The following CATSPERG variants were observed in gnomAD, a reference collection of about 807,000 sequenced individuals.
CATSPERG encodes catsper channel auxiliary subunit gamma.
CATSPERG carries 115 observed loss-of-function variants against 145.0 expected under a neutral mutation model. The ratio of observed to expected loss-of-function variants is 0.79; its 90% CI spans 0.68 to 0.93. The LOEUF (loss-of-function observed/expected upper bound fraction) is 0.93, where lower values mean the gene tolerates loss of function less well. CATSPERG is among the 40% of genes least tolerant of loss of function. The pLI is 0.00. For missense variants in CATSPERG, 1,296 were observed against 1,490.1 expected (o/e 0.87, Z 2.14); for synonymous variants, 588 against 589.0 (o/e 1.00, Z 0.02).
chr19:38,361,562 G>T, intron 16 of CATSPERG, 86 bp from the exon 17 acceptor site: 1 of 1,068,786 alleles, frequency 9.4e-7, no homozygotes, highest in Non-Finnish European at 1.4e-6. Context: ...TACGGGAAGT[G>T]GGTGGGGTGG....
Position 38,361,992 on chromosome 19 carries a change from G to GGGC in CATSPERG, c.2094+131_2094+132insGGC, listed in dbSNP as rs1970355626. 9 of 347,300 alleles carry GGGC rather than the reference G, an allele frequency of 2.6e-5. No individual in the cohort carries two copies. In the Middle Eastern group the frequency reaches 2.8e-3, roughly 108 times the overall value. 21.5% of individuals were successfully genotyped at this position (347,300 alleles called of 1,614,324 possible). On this transcript the variant is annotated intron_variant, in intron 17 of 28. Transcript: ENST00000409235. ...CAGGACTGGTGGTGGGTGGGCGGGGGACCTGGGGGCGGGGCCTGGCTTGAG... is the reference window on the plus strand; with the variant it reads ...CAGGACTGGTGGTGGGTGGGCGGGGGGGCACCTGGGGGCGGGGCCTGGCTTGAG...
intron 28 of CATSPERG, 40 bp from the exon 29 acceptor site, chr19:38,370,486 A>G (rs748325600): frequency 6.8e-6 from 11 of 1,612,924 alleles, no homozygotes; most frequent in Non-Finnish European, 9.3e-6. Context: ...TGTGTACCTT[A>G]TCATGTGCCA....
Position 38,362,540 on chromosome 19 carries a change from G to C in CATSPERG, c.2322G>C (p.Ala774=). ...TEYSFAIFLS[A]QGHSFRTQSE... ...ACAGCTTCGCCATCTTCCTGTCGGC[G>C]CAGGGCCACTCGTTCCGGACGCAGT... is the stretch of plus-strand genomic sequence containing the variant. The change falls in exon 19 of 29, where the codon GCG becomes GCC. Residue 774 remains alanine (A), a synonymous_variant. Transcript: ENST00000409235. 1.9e-6 allele frequency: 3 copies of C among 1,613,888 alleles called. No homozygotes were observed. Among genetic ancestry groups the C allele is most frequent in the Non-Finnish European group, 2.5e-6 (3 of 1,180,038 alleles).
chr19:38,337,255 C>T lies in CATSPERG; in HGVS notation c.21C>T (p.Phe7=), dbSNP rs538897594. 907 of 1,551,406 alleles carry T rather than the reference C, an allele frequency of 5.8e-4. 14 individuals carry two copies. The Admixed American group carries it at 0.016, about 28-fold the overall frequency. Residue 7 remains phenylalanine, a synonymous_variant, in exon 2 of 29, where the codon TTC becomes TTT. Coordinates refer to ENST00000409235, the MANE Select transcript of CATSPERG (RefSeq NM_021185.5). ...ACGTTATGTGCGGCCCAGCCATGTT[C>T]CCTGCCGGTCCTCCGTGGCCCAGAG... MCGPAM[F]PAGPPWPRVR...
intron 7 of CATSPERG, chr19:38,349,653 T>TTTGTTTGC (rs1970102578): frequency 6.9e-6 from 1 of 145,220 alleles, no homozygotes; most frequent in South Asian, 2.0e-4. Context: ...TTTTTTTTTG[T>TTTGTTTGC]TTGTTTGTTT....
chr19:38,354,978 G>A, intron 9 of CATSPERG, 131 bp downstream of exon 9: 1 of 1,033,868 alleles, frequency 9.7e-7, no homozygotes, highest in South Asian at 1.6e-5. Context: ...GGTGATGGTG[G>A]TGGTGGAGGG....
chr19:38,348,738 GC>G (rs1186622605), intron 7 of CATSPERG, among the ~76,000 whole-genome samples: 1 of 152,064 alleles, frequency 6.6e-6, no homozygotes, highest in African/African-American at 2.4e-5. Context: ...CTCCCAAAGT[GC>G]TGGTATTACA....
intron 11 of CATSPERG, 72 bp from the exon 12 acceptor site, chr19:38,358,206 C>A: frequency 6.6e-7 from 1 of 1,506,048 alleles, no homozygotes. Flanking sequence ...GAGAAGCAAA[C>A]AACTTGCTCC....
chr19:38,368,235 T>A, intron 26 of CATSPERG, 98 bp downstream of exon 26: 1 of 965,302 alleles, frequency 1.0e-6, no homozygotes, highest in Non-Finnish European at 1.6e-6. Flanking sequence ...GATCCCCAAG[T>A]CACACTGACT....
In CATSPERG at chr19:38,370,033, G is replaced by A. The variant is rs1341112144; in HGVS notation, c.3082G>A (p.Glu1028Lys). ...DNVPQGIFAPEFFFKVLVSNR... is the reference protein window; with the variant it reads ...DNVPQGIFAPKFFFKVLVSNR... Reference sequence around the variant, plus strand: ...TGTTCCCCAAGGCATCTTTGCCCCTGAATTCTTCTTCAAGGTGTTGGTGAG... The same window carrying A: ...TGTTCCCCAAGGCATCTTTGCCCCTAAATTCTTCTTCAAGGTGTTGGTGAG... The change falls in exon 27 of 29, where the codon GAA becomes AAA. Residue 1028 changes from glutamate to lysine, a missense_variant. Physicochemically the swap from Glu to Lys is moderately conservative, Grantham distance 56 (BLOSUM62 1). Transcript: ENST00000409235. 6.2e-7 allele frequency: 1 copy of A among 1,614,096 alleles called. No homozygotes were observed. Among genetic ancestry groups the A allele is most frequent in the Non-Finnish European group, 8.5e-7 (1 of 1,180,048 alleles).
Position 38,367,710 on chromosome 19 carries a change from C to T in CATSPERG, c.2864C>T (p.Pro955Leu), listed in dbSNP as rs142610781. 10 of 1,614,006 alleles carry T rather than the reference C, an allele frequency of 6.2e-6. No individual in the cohort carries two copies. In the Admixed American group the frequency reaches 1.0e-4, roughly 16 times the overall value. Residue 955 changes from proline to leucine, a missense_variant, in exon 25 of 29, where the codon CCC becomes CTC. By Grantham distance (98) the Pro-to-Leu change is moderately conservative (BLOSUM62 -3). Coordinates refer to ENST00000409235, the MANE Select transcript of CATSPERG (RefSeq NM_021185.5). Reference protein sequence around the residue: ...SYVLLVVGGGPTLDSLKDYSE... With the variant: ...SYVLLVVGGGLTLDSLKDYSE... ...GTTCTGCTGGTGGTGGGTGGCGGGC[C>T]CACACTGGACAGCCTCAAGGACTAC...
rs118138966 is a variant in CATSPERG, at chr19:38,359,598, C to T, written c.1608+17C>T. ...ACGGAGGAGGTGGGCTGCCCCGCCC[C>T]TCTCCCCGTTCCCTCTCTGCCCACC... On this transcript the variant is annotated intron_variant, in intron 14 of 28. Coordinates refer to ENST00000409235, the MANE Select transcript of CATSPERG (RefSeq NM_021185.5). The T allele has an allele frequency of 2.3e-3, 3,633 of 1,605,308 alleles. 85 individuals carry two copies. The East Asian group carries it at 0.057, about 25-fold the overall frequency.
intron 3 of CATSPERG, among the ~76,000 whole-genome samples, chr19:38,339,727 T>A (rs1356113374): frequency 6.6e-6 from 1 of 152,200 alleles, no homozygotes; most frequent in African/African-American, 2.4e-5. Context: ...CATATTTTCT[T>A]CAAGAGATTT....
At chr19:38,337,946 ACCTCATGTGATCCACCTGC>A in intron 3 of CATSPERG, 1 of 271,644 alleles carries the variant, frequency 3.7e-6, no homozygotes, top group Non-Finnish European at 7.1e-6. Context: ...CAAACTCCTG[ACCTCATGTGATCCACCTGC>A]CTCAGACTCC....
At chr19:38,336,536 C>T in intron 1 of CATSPERG, 1 of 291,948 alleles carries the variant, frequency 3.4e-6, no homozygotes, top group South Asian at 2.9e-5. Flanking sequence ...GGGCCGGGAG[C>T]AAGAGCAGGG....
chr19:38,346,304 GA>G, intron 6 of CATSPERG, 145 bp from the exon 7 acceptor site: 1 of 663,376 alleles, frequency 1.5e-6, no homozygotes, highest in East Asian at 3.2e-5. Flanking sequence ...GACCGAGGGG[GA>G]GAATGGTAAG....
At chr19:38,359,327 G>T (rs150469402) in intron 13 of CATSPERG, 143 bp from the exon 14 acceptor site, 5,676 of 530,030 alleles carry the variant, frequency 0.011, 77 homozygotes, top group Non-Finnish European at 0.016. Context: ...GGTTTGGGGT[G>T]GGGGGCGGGA....
chr19:38,352,796 A>G (rs1970168048), intron 8 of CATSPERG, among the ~76,000 whole-genome samples: 1 of 151,528 alleles, frequency 6.6e-6, no homozygotes, highest in East Asian at 1.9e-4. Context: ...GGAGAGGGGC[A>G]TGGCAAATCA....
intron 8 of CATSPERG, 106 bp from the exon 9 acceptor site, chr19:38,354,604 A>G (rs1449919007): frequency 3.0e-6 from 4 of 1,349,864 alleles, no homozygotes; most frequent in Admixed American, 4.4e-5. Context: ...GTGCTTCAGC[A>G]TGAGAGGACA....
Sources: gnomAD v4.1 joint callset for allele counts (sites outside exome capture counted in the v4.1 genomes callset) on GRCh38, gnomAD v4.1.1 for gene constraint, MANE v1.5 for transcripts, NCBI Gene and HGNC (gene_info 2026-07-23, HGNC 2026-07-21) for gene names.